Variants in WDPCP observed in about 807,000 individuals in gnomAD.
WDPCP encodes WD repeat-containing and planar cell polarity effector protein fritz homolog.
Under a neutral mutation model 93.1 loss-of-function variants are expected in WDPCP, and 71 were observed. That is an observed-to-expected ratio of 0.76 (90% CI 0.63 to 0.93). The LOEUF is 0.93. WDPCP is among the 40% of genes least tolerant of loss of function. The pLI, the probability that WDPCP is intolerant of heterozygous loss-of-function variation, is 0.00. For missense variants in WDPCP, 844 were observed against 887.4 expected, an observed-to-expected ratio of 0.95 and a Z score of 0.62; for synonymous variants, 315 against 315.0, an observed-to-expected ratio of 1.00 and a Z score of 0.00.
intron 14 of WDPCP, among the ~76,000 whole-genome samples, chr2:63,210,407 A>T (rs1270912253): frequency 2.0e-5 from 3 of 152,282 alleles, no homozygotes; most frequent in East Asian, 1.9e-4. Context: ...AAAATTTTTT[A>T]AATTAAAATT....
At chr2:63,829,409 G>A (rs369243959), upstream of WDPCP, among the ~76,000 whole-genome samples, 16 of 152,032 alleles carry the variant, frequency 1.1e-4, no homozygotes, top group East Asian at 7.7e-4. Context: ...TAATACGCAC[G>A]CACTGCACTG....
intron 2 of WDPCP, among the ~76,000 whole-genome samples, chr2:63,698,707 TTTATC>T (rs1668997274): frequency 6.6e-6 from 1 of 152,164 alleles, no homozygotes; most frequent in African/African-American, 2.4e-5. Context: ...TGAGATGACT[TTTATC>T]TTCTCGTGGC....
intron 12 of WDPCP, among the ~76,000 whole-genome samples, chr2:63,339,205 A>G (rs1688665254): frequency 6.6e-6 from 1 of 151,642 alleles, no homozygotes; most frequent in Non-Finnish European, 1.5e-5. Flanking sequence ...ATGGAGTCTC[A>G]CTCTGTCACC....
intron 2 of WDPCP, among the ~76,000 whole-genome samples, chr2:63,742,326 A>G (rs772200882): frequency 1.1e-4 from 17 of 151,980 alleles, no homozygotes; most frequent in Admixed American, 3.9e-4. Flanking sequence ...TTCTATTTCA[A>G]TGTCTGTATT....
At chr2:63,779,380 G>A (rs1223539045) in intron 2 of WDPCP, among the ~76,000 whole-genome samples, 1 of 152,208 alleles carries the variant, frequency 6.6e-6, no homozygotes, top group Non-Finnish European at 1.5e-5. Context: ...GGGAACAACA[G>A]ATGTTGGAAT....
intron 1 of WDPCP, among the ~76,000 whole-genome samples, chr2:63,557,001 A>C (rs1320442245): frequency 6.6e-6 from 1 of 152,224 alleles, no homozygotes; most frequent in Non-Finnish European, 1.5e-5. Flanking sequence ...CCTTCCTTAC[A>C]AGAGCTCCTA....
rs1282432697 is a variant in WDPCP at position 63,588,385 on chromosome 2, T to C, written c.-114A>G. ...CAGGACGCCGCCGCCGCCGCCACAG[T>C]TTCCTCAGGTGCTACAAAGCAGCCA... On this transcript the variant is annotated 5_prime_UTR_variant, in exon 1 of 18. Coordinates refer to ENST00000272321, the MANE Select transcript of WDPCP (RefSeq NM_015910.7). 3 of 1,231,024 alleles carry C rather than the reference T, an allele frequency of 2.4e-6. No homozygotes were observed. The highest frequency in any genetic ancestry group is 3.5e-6 in the Non-Finnish European group (3 of 856,028). The allele number at this position is 1,231,024 out of a possible 1,614,324, so 76.3% of individuals were successfully genotyped here.
At chr2:63,606,822 G>C in intron 3 of WDPCP, 4 of 1,543,504 alleles carry the variant, frequency 2.6e-6, no homozygotes, top group South Asian at 2.5e-5. Context: ...TGAAAGATCA[G>C]TTCCAGTTTA....
chr2:63,121,673 C>T lies in WDPCP; in HGVS notation c.*333G>A, dbSNP rs1222304695. ...GCATGAGCACTATGCCTGCCCCCTACTGCCCCTTTTTTAAAGTACCTGGGA... is the reference window on the plus strand; with the variant it reads ...GCATGAGCACTATGCCTGCCCCCTATTGCCCCTTTTTTAAAGTACCTGGGA... On this transcript the variant is annotated 3_prime_UTR_variant, in exon 18 of 18. Transcript: ENST00000272321. 6.1e-6 allele frequency: 2 copies of T among 325,358 alleles called. No individual in the cohort carries two copies. Among genetic ancestry groups the T allele is most frequent in the East Asian group, 8.4e-5 (1 of 11,870 alleles). The allele number at this position is 325,358 out of a possible 1,614,324, so 20.2% of individuals were successfully genotyped here. A position where few individuals can be genotyped will look rare whatever the true frequency, so the allele number is the denominator to read the frequency against.
intron 2 of WDPCP, among the ~76,000 whole-genome samples, chr2:63,738,902 G>T (rs191577717): frequency 1.3e-4 from 20 of 151,760 alleles, no homozygotes; most frequent in South Asian, 4.2e-4. Context: ...AACTCCCAAG[G>T]TTACTACTAT....
chr2:63,586,190 G>A (rs1045112906), intron 1 of WDPCP, among the ~76,000 whole-genome samples: 1 of 152,134 alleles, frequency 6.6e-6, no homozygotes, highest in Non-Finnish European at 1.5e-5. Flanking sequence ...AAAGTGCCTT[G>A]GGTATCAAGA....
intron 1 of WDPCP, among the ~76,000 whole-genome samples, chr2:63,553,945 T>G (rs1260989931): frequency 2.0e-5 from 3 of 152,194 alleles, no homozygotes. Context: ...TATGTCAGTG[T>G]GTATTTCCTA....
chr2:63,769,743 C>T (rs200190977), intron 2 of WDPCP, among the ~76,000 whole-genome samples: 1 of 151,984 alleles, frequency 6.6e-6, no homozygotes, highest in Middle Eastern at 3.4e-3. Context: ...GAAATGGCTA[C>T]ATTATACTGT....
intron 1 of WDPCP, among the ~76,000 whole-genome samples, chr2:63,576,826 G>A (rs1030238114): frequency 7.2e-5 from 11 of 152,060 alleles, no homozygotes; most frequent in Non-Finnish European, 7.4e-5. Context: ...TTGTGTGCCA[G>A]GAACCAGGGG....
chr2:63,450,434 A>G (rs1698160129), intron 6 of WDPCP, among the ~76,000 whole-genome samples: 1 of 152,014 alleles, frequency 6.6e-6, no homozygotes, highest in African/African-American at 2.4e-5. Flanking sequence ...TACTGGCATC[A>G]CCCATACCAT....
chr2:63,518,324 AG>A (rs1702691794), intron 1 of WDPCP: 1 of 152,730 alleles, frequency 6.5e-6, no homozygotes, highest in East Asian at 1.9e-4. Context: ...CTGAAGGGGA[AG>A]GAAGCTGGGA....
chr2:63,392,594 C>G (rs1377366297), intron 10 of WDPCP, among the ~76,000 whole-genome samples: 1 of 152,162 alleles, frequency 6.6e-6, no homozygotes, highest in East Asian at 1.9e-4. Flanking sequence ...TTAGAGTGAA[C>G]AGGCAACCTA....
intron 2 of WDPCP, among the ~76,000 whole-genome samples, chr2:63,733,667 T>C (rs1669597188): frequency 6.6e-6 from 1 of 152,248 alleles, no homozygotes; most frequent in African/African-American, 2.4e-5. Flanking sequence ...GACTGTCTTC[T>C]CTGTACTTGT....
chr2:63,211,302 C>A (rs1390226657), intron 14 of WDPCP, among the ~76,000 whole-genome samples: 1 of 152,172 alleles, frequency 6.6e-6, no homozygotes, highest in Non-Finnish European at 1.5e-5. Context: ...TGCCATTCTG[C>A]AATATTTATG....
Sources: gnomAD v4.1 joint callset for allele counts (sites outside exome capture counted in the v4.1 genomes callset) on GRCh38, gnomAD v4.1.1 for gene constraint, MANE v1.5 for transcripts, NCBI Gene and HGNC (gene_info 2026-07-23, HGNC 2026-07-21) for gene names.